GBP5: variants seen among roughly 807,000 people sequenced by gnomAD.
The protein encoded by GBP5 is guanylate-binding protein 5.
GBP5 carries 48 observed loss-of-function variants against 58.2 expected under a neutral mutation model. The ratio of observed to expected loss-of-function variants is 0.83; its 90% confidence interval spans 0.65 to 1.05. The LOEUF (loss-of-function observed/expected upper bound fraction) is 1.05. GBP5 is among the 50% of genes least tolerant of loss of function. The pLI is 0.00. For missense variants in GBP5, 714 were observed against 686.8 expected, an observed-to-expected ratio of 1.04 and a Z score of -0.44; for synonymous variants, 248 against 251.8, an observed-to-expected ratio of 0.98 and a Z score of 0.14.
At chr1:89,268,509 C>G (rs1203622785) in intron 4 of GBP5, among the ~76,000 whole-genome samples, 1 of 152,074 alleles carries the variant, frequency 6.6e-6, no homozygotes, top group Non-Finnish European at 1.5e-5. Context: ...CGTTAATTGC[C>G]TAGCTCAACA....
At chr1:89,262,119 CCCT>C in intron 11 of GBP5, 98 bp downstream of exon 11, 1 of 1,155,032 alleles carries the variant, frequency 8.7e-7, no homozygotes, top group Non-Finnish European at 1.3e-6. Context: ...GCTCCAGACT[CCCT>C]GCTGAGAGCC....
At chr1:89,262,072 T>C (rs992375086) in intron 11 of GBP5, 148 bp downstream of exon 11, 1 of 719,016 alleles carries the variant, frequency 1.4e-6, no homozygotes, top group Non-Finnish European at 2.4e-6. Flanking sequence ...ATATACTTAC[T>C]AAGAGGTGGA....
intron 4 of GBP5, 98 bp from the exon 5 acceptor site, chr1:89,267,624 G>T: frequency 1.4e-6 from 1 of 714,024 alleles, no homozygotes; most frequent in Non-Finnish European, 2.5e-6. Context: ...CAAGACAAAA[G>T]AAAAAGATTG....
intron 7 of GBP5, 72 bp from the exon 8 acceptor site, chr1:89,265,038 A>G (rs760067888): frequency 7.0e-7 from 1 of 1,428,090 alleles, no homozygotes; most frequent in Non-Finnish European, 9.7e-7. Flanking sequence ...AATTTCTGAG[A>G]ACGTACATTT....
chr1:89,261,003 G>A (rs1649988913), intron 11 of GBP5, among the ~76,000 whole-genome samples, 186 bp from the exon 12 acceptor site: 1 of 152,086 alleles, frequency 6.6e-6, no homozygotes, highest in Non-Finnish European at 1.5e-5. Context: ...CTCCAGAAAT[G>A]GTCATTTCTC....
At position 89,267,047 on chromosome 1, in the gene GBP5, T is replaced by C. The variant is rs773634569; in HGVS notation, c.535A>G (p.Thr179Ala). 4.0e-5 allele frequency: 65 copies of C among 1,612,534 alleles called. 1 individual carries two copies. The highest frequency in any genetic ancestry group is 5.4e-5 in the Non-Finnish European group (64 of 1,179,714). Residue 179 changes from threonine (T) to alanine (A), a missense_variant, in exon 6 of 12, where the codon ACT becomes GCT. By Grantham distance (58) the Thr-to-Ala change is moderately conservative (BLOSUM62 0). Transcript: ENST00000370459. ...AGGCCTAAGCAGAAATCTCTCAGAG[T>C]CCACACTAAGTCTGGGAAGAAGCTC... ...SASFFPDLVW[T>A]LRDFCLGLEI...
In GBP5 at chr1:89,264,851, C is replaced by CT; in HGVS notation, c.983dup (p.Ala329GlyfsTer6). 1 of 1,614,198 alleles carries CT rather than the reference C, an allele frequency of 6.2e-7. No homozygotes were observed. The highest frequency in any genetic ancestry group is 8.5e-7 in the Non-Finnish European group (1 of 1,180,036). On this transcript the variant is annotated frameshift_variant, in exon 8 of 12. Transcript: ENST00000370459. LOFTEE classifies it high-confidence loss of function. ...TTTGCTGGTCATAGTGGGCAATGGC[C>CT]TTTTGCACTGCAGCTGAGTTCTCTC... is the stretch of plus-strand genomic sequence containing the variant.
chr1:89,263,942 G>A lies in GBP5; in HGVS notation c.1156C>T (p.Leu386=). 2 of 1,599,196 alleles carry A rather than the reference G, an allele frequency of 1.3e-6. No individual in the cohort carries two copies. The highest frequency in any genetic ancestry group is 1.7e-6 in the Non-Finnish European group (2 of 1,168,532). Residue 386 remains leucine, a synonymous_variant, in exon 9 of 12, where the codon CTA becomes TTA. Coordinates refer to ENST00000370459, the MANE Select transcript of GBP5 (RefSeq NM_052942.5). ...QSFQKELETL[L]DAKQNDICKR... Reference sequence around the variant, plus strand: ...CAAATGTCATTCTGTTTTGCATCTAGTAGAGTCTTCAAAGAGACAAAAACC... The same window carrying A: ...CAAATGTCATTCTGTTTTGCATCTAATAGAGTCTTCAAAGAGACAAAAACC...
chr1:89,264,107 G>T (rs1335711515), intron 8 of GBP5, among the ~76,000 whole-genome samples, 159 bp from the exon 9 acceptor site: 3 of 151,920 alleles, frequency 2.0e-5, no homozygotes, highest in Non-Finnish European at 4.4e-5. Flanking sequence ...AAATTCCAAG[G>T]ATGATACTCT....
At chr1:89,268,589 G>T in intron 4 of GBP5, 140 bp downstream of exon 4, 1 of 821,462 alleles carries the variant, frequency 1.2e-6, no homozygotes, top group Non-Finnish European at 2.0e-6. Context: ...TCCAAACTCT[G>T]AATATTAAAA....
intron 2 of GBP5, chr1:89,269,949 T>C (rs1650378369): frequency 6.4e-6 from 1 of 155,102 alleles, no homozygotes; most frequent in Non-Finnish European, 1.4e-5. Context: ...CTTTATGATG[T>C]TCTTTATTAA....
At chr1:89,263,575 C>T in intron 9 of GBP5, 161 bp downstream of exon 9, 1 of 573,482 alleles carries the variant, frequency 1.7e-6, no homozygotes, top group East Asian at 2.8e-5. Context: ...CAACACCAGG[C>T]ACATTGTTTT....
chr1:89,262,695 T>A lies in GBP5; in HGVS notation c.1453A>T (p.Lys485Ter). The change falls in exon 10 of 12, where the codon AAA becomes TAA. Residue 485 changes from lysine to a stop codon, truncating the protein, a stop_gained. Transcript: ENST00000370459. LOFTEE classifies it high-confidence loss of function. ...QTDQALTETE[K>*]KKKEAQVKAE... ...ACTTTCTTCTCACCTTTCTTCTTTTTTTCCGTCTCTGTGAGAGCCTGGTCA... is the reference window on the plus strand; with the variant it reads ...ACTTTCTTCTCACCTTTCTTCTTTTATTCCGTCTCTGTGAGAGCCTGGTCA... 1 of 1,601,152 alleles carries A rather than the reference T, an allele frequency of 6.2e-7. No homozygotes were observed. Among genetic ancestry groups the A allele is most frequent in the Non-Finnish European group, 8.6e-7 (1 of 1,169,252 alleles).
rs1649797252 is a variant in GBP5, at chr1:89,256,416, A to G, written c.*4288T>C. Among the ~76,000 whole-genome samples the G allele has an allele frequency of 6.6e-6, 1 of 152,238 alleles. No individual in the cohort carries two copies. Among genetic ancestry groups the G allele is most frequent in the South Asian group, 2.1e-4 (1 of 4,836 alleles). On this transcript the variant is annotated 3_prime_UTR_variant, in exon 12 of 12. Coordinates refer to ENST00000370459, the MANE Select transcript of GBP5 (RefSeq NM_052942.5). ...TCATATACACCTATAGAATTTTAGT[A>G]ATGCTGAATGTATGTACCTGGGTTG... is the stretch of plus-strand genomic sequence containing the variant.
chr1:89,265,171 T>A (rs573194580), intron 7 of GBP5, among the ~76,000 whole-genome samples: 1 of 152,282 alleles, frequency 6.6e-6, no homozygotes, highest in African/African-American at 2.4e-5. Context: ...AAGGAAACTG[T>A]GTTCAAATAA....
intron 5 of GBP5, 38 bp from the exon 6 acceptor site, chr1:89,267,191 C>T (rs746374358): frequency 2.7e-6 from 4 of 1,493,930 alleles, no homozygotes; most frequent in South Asian, 1.3e-5. Context: ...GAAATAGGAC[C>T]ACATCTAAAC....
At chr1:89,260,843 G>T (rs368666483) in intron 11 of GBP5, 26 bp from the exon 12 acceptor site, 1 of 1,545,992 alleles carries the variant, frequency 6.5e-7, no homozygotes, top group Non-Finnish European at 8.9e-7. Flanking sequence ...TAGAAAGTAA[G>T]ATCAAGCTTC....
At position 89,264,089 on chromosome 1, in the gene GBP5, A is replaced by G. The variant is rs1650117637; in HGVS notation, c.1150-141T>C. On this transcript the variant is annotated intron_variant, in intron 8 of 11. Coordinates refer to ENST00000370459, the MANE Select transcript of GBP5 (RefSeq NM_052942.5). ...AGCAAGACTATATCCTTCCCACCAA[A>G]CCTGGAAAAATTCCAAGGATGATAC... The G allele has an allele frequency of 6.7e-6, 4 of 593,636 alleles. No individual in the cohort carries two copies. In the East Asian group the frequency reaches 1.1e-4, roughly 16 times the overall value. The allele number at this position is 593,636 out of a possible 1,614,324, so 36.8% of individuals were successfully genotyped here. A position where few individuals can be genotyped will look rare whatever the true frequency, so the allele number is the denominator to read the frequency against.
In GBP5 at chr1:89,264,182, C is replaced by A. The variant is rs889880488; in HGVS notation, c.1150-234G>T. On this transcript the variant is annotated intron_variant, in intron 8 of 11. Transcript: ENST00000370459. ...TTATTTCTGCTATAGGTGTAATCTT[C>A]ATGCCACAGACCTCTAGCTTCATGC... 5.9e-5 allele frequency among the ~76,000 whole-genome samples: 9 copies of A among 152,066 alleles called. 1 individual carries two copies. The highest frequency in any genetic ancestry group is 2.2e-4 in the African/African-American group (9 of 41,394).
Sources: allele counts gnomAD v4.1 joint callset (sites outside exome capture counted in the v4.1 genomes callset), GRCh38; gene constraint gnomAD v4.1.1; transcripts MANE v1.5; gene names NCBI Gene and HGNC (gene_info 2026-07-23, HGNC 2026-07-21).